STXBP4: variants seen among roughly 807,000 people sequenced by gnomAD.
STXBP4 encodes syntaxin binding protein 4.
Under a neutral mutation model 76.1 loss-of-function variants are expected in STXBP4, and 55 were observed. The ratio of observed to expected loss-of-function variants is 0.72; its 90% CI spans 0.58 to 0.91. The LOEUF is 0.91. STXBP4 is among the 40% of genes least tolerant of loss of function. The probability of loss-of-function intolerance (pLI) is 0.00; values close to 1 mark genes in which losing one functional copy is unlikely to be tolerated. For synonymous variants in STXBP4, 201 were observed against 220.2 expected, an observed-to-expected ratio of 0.91 and a Z score of 0.77; for missense variants, 618 against 636.9, an observed-to-expected ratio of 0.97 and a Z score of 0.32.
chr17:55,079,399 A>G (rs530198054), intron 15 of STXBP4, among the ~76,000 whole-genome samples: 33 of 152,226 alleles, frequency 2.2e-4, no homozygotes, highest in African/African-American at 7.9e-4. Context: ...TTCTGCTCTC[A>G]TAATAGCTGC....
intron 12 of STXBP4, among the ~76,000 whole-genome samples, chr17:55,052,458 G>C (rs574522739): frequency 6.6e-6 from 1 of 152,178 alleles, no homozygotes; most frequent in East Asian, 1.9e-4. Flanking sequence ...GCCTATAGTA[G>C]GATGTTGAAT....
chr17:55,143,283 G>T (rs527862939), intron 17 of STXBP4, among the ~76,000 whole-genome samples: 1 of 152,182 alleles, frequency 6.6e-6, no homozygotes, highest in African/African-American at 2.4e-5. Context: ...AGAAATGCAT[G>T]ATTAAAAGAA....
chr17:54,982,414 T>A (rs9892848), intron 1 of STXBP4, among the ~76,000 whole-genome samples: 42,429 of 151,824 alleles, frequency 0.28, 6,122 homozygotes, highest in African/African-American at 0.35. Context: ...GATTCATCTT[T>A]AACAACAAGA....
intron 8 of STXBP4, among the ~76,000 whole-genome samples, chr17:55,025,996 G>A (rs1251517982): frequency 6.6e-6 from 1 of 152,128 alleles, no homozygotes; most frequent in African/African-American, 2.4e-5. Flanking sequence ...ACAATGCACA[G>A]TGGACAATCT....
At chr17:55,020,903 GA>G (rs2078298790) in intron 8 of STXBP4, among the ~76,000 whole-genome samples, 1 of 152,070 alleles carries the variant, frequency 6.6e-6, no homozygotes, top group South Asian at 2.1e-4. Flanking sequence ...GCTAATATAT[GA>G]AACCTCTGGA....
chr17:55,086,762 T>C (rs753321724), intron 16 of STXBP4, among the ~76,000 whole-genome samples: 1 of 152,142 alleles, frequency 6.6e-6, no homozygotes, highest in Non-Finnish European at 1.5e-5. Flanking sequence ...GCTGACTTTC[T>C]TTTCTTTGGA....
At chr17:55,018,277 A>G (rs1316890614) in intron 8 of STXBP4, among the ~76,000 whole-genome samples, 1 of 152,190 alleles carries the variant, frequency 6.6e-6, no homozygotes, top group Non-Finnish European at 1.5e-5. Flanking sequence ...AGGAACGGCA[A>G]TGGGCAACTT....
At chr17:55,104,601 G>A (rs146482962) in intron 16 of STXBP4, among the ~76,000 whole-genome samples, 2 of 152,194 alleles carry the variant, frequency 1.3e-5, no homozygotes, top group Non-Finnish European at 2.9e-5. Flanking sequence ...TTGTTGTTGT[G>A]TCTTTGCCAG....
At chr17:55,129,090 C>G (rs146325330) in intron 16 of STXBP4, among the ~76,000 whole-genome samples, 1 of 151,810 alleles carries the variant, frequency 6.6e-6, no homozygotes, top group Admixed American at 6.6e-5. Flanking sequence ...CCACCACACC[C>G]GGCTAATTTT....
intron 4 of STXBP4, 39 bp from the exon 5 acceptor site, chr17:54,999,306 C>A (rs866813477): frequency 3.4e-6 from 5 of 1,466,370 alleles, no homozygotes; most frequent in Middle Eastern, 1.8e-4. Context: ...TTTTTAAATA[C>A]CTCATTAGTT....
chr17:55,033,448 A>G (rs1031010309), intron 9 of STXBP4, among the ~76,000 whole-genome samples: 51 of 152,274 alleles, frequency 3.3e-4, no homozygotes, highest in African/African-American at 1.2e-3. Flanking sequence ...TTAAAGAGAA[A>G]AGTGAAGGTA....
intron 7 of STXBP4, among the ~76,000 whole-genome samples, chr17:55,002,838 A>G (rs571186769): frequency 1.1e-4 from 17 of 152,178 alleles, no homozygotes; most frequent in Non-Finnish European, 2.5e-4. Context: ...CATGTCAAGC[A>G]CTTATATTGT....
intron 16 of STXBP4, among the ~76,000 whole-genome samples, chr17:55,133,077 C>G (rs147949055): frequency 4.6e-5 from 7 of 152,058 alleles, no homozygotes; most frequent in African/African-American, 7.2e-5. Flanking sequence ...TTTAATGATG[C>G]TGCCTACTAG....
intron 16 of STXBP4, among the ~76,000 whole-genome samples, chr17:55,100,623 A>T (rs1338151354): frequency 6.6e-6 from 1 of 152,204 alleles, no homozygotes; most frequent in Non-Finnish European, 1.5e-5. Flanking sequence ...GTAATGACAA[A>T]GTAGAAGACT....
intron 16 of STXBP4, among the ~76,000 whole-genome samples, chr17:55,093,352 AT>A (rs2079443071): frequency 6.6e-6 from 1 of 152,134 alleles, no homozygotes; most frequent in Admixed American, 6.5e-5. Flanking sequence ...ACATTATGGT[AT>A]TTTCCTCTAC....
chr17:55,006,541 CG>C (rs2078010772), intron 7 of STXBP4, among the ~76,000 whole-genome samples: 1 of 152,152 alleles, frequency 6.6e-6, no homozygotes, highest in African/African-American at 2.4e-5. Context: ...CATATTAAAA[CG>C]TACAGTATTT....
chr17:54,977,431 T>G (rs2077488796), intron 1 of STXBP4, among the ~76,000 whole-genome samples: 1 of 152,200 alleles, frequency 6.6e-6, no homozygotes, highest in Admixed American at 6.5e-5. Context: ...TTGTGTTTTG[T>G]ATTATAAGTA....
chr17:54,989,268 T>C (rs1375398577), intron 3 of STXBP4, among the ~76,000 whole-genome samples: 2 of 152,134 alleles, frequency 1.3e-5, no homozygotes, highest in African/African-American at 4.8e-5. Flanking sequence ...CCACCGCGCC[T>C]GGCTAATTTT....
chr17:55,156,554 A>C (rs2080279450), intron 17 of STXBP4, among the ~76,000 whole-genome samples: 1 of 152,198 alleles, frequency 6.6e-6, no homozygotes, highest in Non-Finnish European at 1.5e-5. Flanking sequence ...TCTGCCAGGC[A>C]CTTCACATGC....
Sources: gnomAD v4.1 joint callset for allele counts (sites outside exome capture counted in the v4.1 genomes callset) on GRCh38, gnomAD v4.1.1 for gene constraint, MANE v1.5 for transcripts, NCBI Gene and HGNC (gene_info 2026-07-23, HGNC 2026-07-21) for gene names.